CTNND2: variants seen among roughly 807,000 people sequenced by gnomAD.
CTNND2 encodes catenin delta 2, also known as catenin delta-2.
In CTNND2, 22 loss-of-function variants were observed where a neutral mutation model predicts 144.4. The observed-to-expected ratio is 0.15, with a 90% CI of 0.11 to 0.22. CTNND2 has a LOEUF of 0.22. CTNND2 is among the 10% of genes least tolerant of loss of function. The pLI is 1.00. For missense variants in CTNND2, 1,353 were observed against 1,618.8 expected, an observed-to-expected ratio of 0.84 and a Z score of 2.82; for synonymous variants, 751 against 695.6, an observed-to-expected ratio of 1.08 and a Z score of -1.25.
chr5:11,189,342 T>C (rs1318928104), intron 11 of CTNND2, among the ~76,000 whole-genome samples: 4 of 152,138 alleles, frequency 2.6e-5, no homozygotes, highest in Admixed American at 6.5e-5. Context: ...CCATATACAT[T>C]TGACTTTGAA....
intron 3 of CTNND2, among the ~76,000 whole-genome samples, chr5:11,526,555 C>G (rs1773263490): frequency 6.6e-6 from 1 of 152,162 alleles, no homozygotes; most frequent in Admixed American, 6.5e-5. Context: ...TAGAATCACG[C>G]CAGCCACCAC....
chr5:11,141,558 AACGGT>A (rs1369227577), intron 12 of CTNND2, among the ~76,000 whole-genome samples: 1 of 152,182 alleles, frequency 6.6e-6, no homozygotes, highest in Non-Finnish European at 1.5e-5. Flanking sequence ...ATTGCCTTTG[AACGGT>A]TAAGTTTGGA....
chr5:11,149,813 G>A (rs778096386), intron 12 of CTNND2, among the ~76,000 whole-genome samples: 13 of 152,074 alleles, frequency 8.5e-5, no homozygotes, highest in African/African-American at 2.7e-4. Context: ...TTGCTTCTTC[G>A]GTTAAACCTG....
intron 3 of CTNND2, among the ~76,000 whole-genome samples, chr5:11,436,860 C>T (rs1763821695): frequency 6.6e-6 from 1 of 152,132 alleles, no homozygotes; most frequent in Non-Finnish European, 1.5e-5. Context: ...AGTTTATTGA[C>T]ATTTTGGTAT....
rs137921891 is a variant in CTNND2 at position 11,253,356 on chromosome 5, G to T, written c.1629-16533C>A. Reference sequence around the variant, plus strand: ...CCTCACTCAAATCTTATCTTGAATTGTAGCTCCCATAATTCCCAAGTTTGT... The same window carrying T: ...CCTCACTCAAATCTTATCTTGAATTTTAGCTCCCATAATTCCCAAGTTTGT... On this transcript the variant is annotated intron_variant, in intron 9 of 21. Coordinates refer to ENST00000304623, the MANE Select transcript of CTNND2 (RefSeq NM_001332.4). Among the ~76,000 whole-genome samples, 1,053 of 152,234 alleles carry T rather than the reference G, an allele frequency of 6.9e-3. 28 individuals are homozygous for T. Among genetic ancestry groups the T allele is most frequent in the Admixed American group, 0.041 (630 of 15,288 alleles).
At chr5:11,565,104 G>A (rs1325398645) in intron 2 of CTNND2, 48 bp from the exon 3 acceptor site, 2 of 1,309,114 alleles carry the variant, frequency 1.5e-6, no homozygotes, top group Non-Finnish European at 2.2e-6. Flanking sequence ...TACATGACAG[G>A]TGAAATTCAG....
intron 9 of CTNND2, among the ~76,000 whole-genome samples, chr5:11,315,100 A>T (rs764594645): frequency 2.1e-4 from 32 of 152,194 alleles, no homozygotes; most frequent in Non-Finnish European, 4.0e-4. Context: ...GCTAGCAATG[A>T]GAACTTTAAA....
chr5:11,889,144 T>A lies in CTNND2; in HGVS notation c.37+14673A>T, dbSNP rs560872958. 4.9e-3 allele frequency among the ~76,000 whole-genome samples: 752 copies of A among 152,188 alleles called. 7 individuals are homozygous for A. The highest frequency in any genetic ancestry group is 0.015 in the African/African-American group (638 of 41,518). ...CCCCTTTTCCTTCTTTCTGTAAGAC[T>A]CAAAGCCAAAAGCTGGAGTAACTAG... On this transcript the variant is annotated intron_variant, in intron 1 of 21. Transcript: ENST00000304623.
intron 2 of CTNND2, among the ~76,000 whole-genome samples, chr5:11,568,591 A>T (rs1777311844): frequency 6.6e-6 from 1 of 152,210 alleles, no homozygotes; most frequent in Admixed American, 6.5e-5. Flanking sequence ...TTTTCAACTG[A>T]GGATTAATTT....
chr5:11,506,204 T>A (rs1287034592), intron 3 of CTNND2, among the ~76,000 whole-genome samples: 4 of 152,190 alleles, frequency 2.6e-5, no homozygotes, highest in African/African-American at 9.7e-5. Context: ...CATAGGAGAT[T>A]GGCCAATAGG....
chr5:11,655,250 G>C (rs991385494), intron 2 of CTNND2, among the ~76,000 whole-genome samples: 2 of 151,884 alleles, frequency 1.3e-5, no homozygotes, highest in African/African-American at 4.8e-5. Flanking sequence ...ACATGTAAGA[G>C]AGACTTAACT....
At chr5:11,588,594 G>A (rs765472637) in intron 2 of CTNND2, 58 of 227,350 alleles carry the variant, frequency 2.6e-4, no homozygotes, top group Non-Finnish European at 3.8e-4. Flanking sequence ...TGTGAGGTCA[G>A]AAATAAATTC....
chr5:11,233,685 C>T (rs1741291278), intron 10 of CTNND2, among the ~76,000 whole-genome samples: 1 of 151,294 alleles, frequency 6.6e-6, no homozygotes, highest in Admixed American at 6.6e-5. Flanking sequence ...CAAAATAGAT[C>T]TGTGTAGAAT....
At chr5:11,132,996 C>T (rs2149721630) in intron 12 of CTNND2, among the ~76,000 whole-genome samples, 1 of 152,204 alleles carries the variant, frequency 6.6e-6, no homozygotes, top group South Asian at 2.1e-4. Context: ...CCAGAGATTA[C>T]TGTATAGCTC....
At chr5:11,255,126 G>C (rs1414262126) in intron 9 of CTNND2, among the ~76,000 whole-genome samples, 1 of 152,098 alleles carries the variant, frequency 6.6e-6, no homozygotes, top group Non-Finnish European at 1.5e-5. Flanking sequence ...TATGTTTCAA[G>C]TCTTTACAAC....
chr5:11,291,923 C>G (rs566133442), intron 9 of CTNND2, among the ~76,000 whole-genome samples: 1 of 152,198 alleles, frequency 6.6e-6, no homozygotes, highest in South Asian at 2.1e-4. Context: ...GCTATACAAA[C>G]CAGCTATACA....
intron 2 of CTNND2, among the ~76,000 whole-genome samples, chr5:11,598,198 T>G (rs1414565413): frequency 6.6e-6 from 1 of 152,208 alleles, no homozygotes; most frequent in Non-Finnish European, 1.5e-5. Context: ...TAGACAGACC[T>G]ATCTATAATC....
chr5:11,843,896 C>G (rs978780853), intron 1 of CTNND2, among the ~76,000 whole-genome samples: 1 of 152,070 alleles, frequency 6.6e-6, no homozygotes, highest in African/African-American at 2.4e-5. Context: ...ATTGTTTGTA[C>G]TAGCACAGAA....
At chr5:11,288,277 T>G (rs1747957337) in intron 9 of CTNND2, among the ~76,000 whole-genome samples, 1 of 152,154 alleles carries the variant, frequency 6.6e-6, no homozygotes. Flanking sequence ...TACATTCATG[T>G]TCTTCTTTTT....
Sources: allele counts gnomAD v4.1 joint callset (sites outside exome capture counted in the v4.1 genomes callset), GRCh38; gene constraint gnomAD v4.1.1; transcripts MANE v1.5; gene names NCBI Gene and HGNC (gene_info 2026-07-23, HGNC 2026-07-21).